The following SDHA variants were observed in gnomAD, a reference collection of about 807,000 sequenced individuals.
The protein encoded by SDHA is succinate dehydrogenase complex flavoprotein subunit A.
In SDHA, 48 loss-of-function variants were observed where a neutral mutation model predicts 78.4. That is an observed-to-expected ratio of 0.61 (90% confidence interval 0.49 to 0.78). The LOEUF (loss-of-function observed/expected upper bound fraction) is 0.78. SDHA is among the 30% of genes least tolerant of loss of function. The pLI is 0.00. For missense variants in SDHA, 680 were observed against 892.7 expected (o/e 0.76, Z 3.04); for synonymous variants, 326 against 353.9 (o/e 0.92, Z 0.88).
At chr5:266,335 G>C in the SDHA span, among the ~76,000 whole-genome samples, 4 of 152,206 alleles carry the variant, frequency 2.6e-5, no homozygotes, top group Non-Finnish European at 5.9e-5. Flanking sequence ...AAGCATGATA[G>C]GATGGCAACA....
intron 11 of SDHA, among the ~76,000 whole-genome samples, chr5:247,032 A>G (rs187114278): frequency 1.6e-3 from 244 of 152,344 alleles, no homozygotes; most frequent in East Asian, 4.2e-3. Flanking sequence ...TCTCCCTAAA[A>G]TAACTAAATT....
At chr5:252,299 T>G (rs1227074481) in intron 13 of SDHA, among the ~76,000 whole-genome samples, 1 of 125,298 alleles carries the variant, frequency 8.0e-6, no homozygotes, top group Non-Finnish European at 1.5e-5. Context: ...AAATAACGAG[T>G]AAGCCACCGT....
At chr5:266,770 T>C in the SDHA span, among the ~76,000 whole-genome samples, 109 of 92,668 alleles carry the variant, frequency 1.2e-3, 3 homozygotes, top group African/African-American at 5.4e-3. Flanking sequence ...GTGGCCGCTG[T>C]GTCTGAGATA....
chr5:253,360 C>G (rs1473252917), intron 13 of SDHA, among the ~76,000 whole-genome samples: 1 of 152,178 alleles, frequency 6.6e-6, no homozygotes, highest in African/African-American at 2.4e-5. Flanking sequence ...TTGCTCTTGT[C>G]TCCTTGTATG....
chr5:261,004 C>T (rs1373600034), downstream of SDHA, among the ~76,000 whole-genome samples: 1 of 13,470 alleles, frequency 7.4e-5, no homozygotes, highest in African/African-American at 5.0e-4. Context: ...CTCCGCCTCC[C>T]GTCAGAGCAT....
At chr5:230,753 G>T (rs1735344274) in intron 6 of SDHA, 123 bp from the exon 7 acceptor site, 4 of 1,305,988 alleles carry the variant, frequency 3.1e-6, no homozygotes, top group East Asian at 2.3e-5. Context: ...TGAGTAGGGG[G>T]TTGTGTGTGC....
At chr5:254,824 C>T (rs1737077093) in intron 14 of SDHA, among the ~76,000 whole-genome samples, 2 of 151,952 alleles carry the variant, frequency 1.3e-5, no homozygotes, top group East Asian at 1.9e-4. Flanking sequence ...GTGGACCTAG[C>T]GAGAAAGCAT....
chr5:233,019 C>T (rs1283391200), intron 7 of SDHA, among the ~76,000 whole-genome samples: 2 of 152,124 alleles, frequency 1.3e-5, no homozygotes, highest in African/African-American at 4.8e-5. Context: ...CTAGAACTGC[C>T]CATAGCAAGT....
At chr5:229,852 G>A (rs1414124609) in intron 6 of SDHA, among the ~76,000 whole-genome samples, 2 of 124,916 alleles carry the variant, frequency 1.6e-5, no homozygotes, top group South Asian at 2.1e-4. Flanking sequence ...GCTGGCTATC[G>A]TTAACATTAT....
intron 13 of SDHA, among the ~76,000 whole-genome samples, chr5:252,051 T>A (rs10072139): frequency 0.27 from 22,876 of 85,964 alleles, 3,933 homozygotes; most frequent in African/African-American, 0.55. Context: ...TGCCCTGTGG[T>A]GGAAATGCCA....
At chr5:218,518 C>G in intron 1 of SDHA, 100 bp downstream of exon 1, 1 of 916,002 alleles carries the variant, frequency 1.1e-6, no homozygotes, top group Admixed American at 4.3e-5. Context: ...GGCGCCGGGT[C>G]CCTGCGCCCT....
chr5:255,535 C>G (rs1487351270), intron 14 of SDHA, among the ~76,000 whole-genome samples: 2 of 152,056 alleles, frequency 1.3e-5, no homozygotes, highest in Non-Finnish European at 2.9e-5. Context: ...CGTCTCACTG[C>G]AGCCTCAACC....
At chr5:232,450 G>C (rs1237611178) in intron 7 of SDHA, among the ~76,000 whole-genome samples, 1 of 152,106 alleles carries the variant, frequency 6.6e-6, no homozygotes, top group East Asian at 1.9e-4. Context: ...CAAACTCCAG[G>C]GCTTAGGCCA....
At chr5:268,581 C>T in the SDHA span, among the ~76,000 whole-genome samples, 1 of 152,144 alleles carries the variant, frequency 6.6e-6, no homozygotes, top group Non-Finnish European at 1.5e-5. Context: ...GCTTGAATCT[C>T]CTCTTACTGC....
intron 11 of SDHA, chr5:249,923 G>C (rs1736709133): frequency 6.6e-6 from 1 of 152,234 alleles, no homozygotes; most frequent in East Asian, 1.9e-4. Context: ...CTGGATAAGA[G>C]ATTTGTATCT....
intron 5 of SDHA, among the ~76,000 whole-genome samples, chr5:226,873 G>C (rs1333640944): frequency 7.0e-6 from 1 of 143,132 alleles, no homozygotes; most frequent in Non-Finnish European, 1.5e-5. Context: ...AACTTGCAGT[G>C]AGCCGAGATC....
At chr5:254,059 T>A (rs530750406) in intron 13 of SDHA, among the ~76,000 whole-genome samples, 9 of 149,610 alleles carry the variant, frequency 6.0e-5, no homozygotes, top group East Asian at 1.9e-4. Context: ...AATTTTTTTT[T>A]AATAAAAACA....
rs2126558482 is a variant in SDHA, at chr5:228,237, T to C, written c.674T>C (p.Leu225Pro). ...YFVEYFALDL[L>P]MENGECRGVI... ...GTGGAGTATTTTGCCTTGGATCTCCTGATGGAGAATGGGGAGTGCCGTGGT... is the reference window on the plus strand; with the variant it reads ...GTGGAGTATTTTGCCTTGGATCTCCCGATGGAGAATGGGGAGTGCCGTGGT... The change falls in exon 6 of 15, where the codon CTG (leucine) becomes CCG (proline). Residue 225 changes from leucine (L) to proline (P), a missense_variant. Coordinates refer to ENST00000264932, the MANE Select transcript of SDHA (RefSeq NM_004168.4). 2 of 1,613,816 alleles carry C rather than the reference T, an allele frequency of 1.2e-6. No individual in the cohort carries two copies. The highest frequency in any genetic ancestry group is 2.2e-5 in the South Asian group (2 of 91,070).
At chr5:232,843 C>T (rs771500657) in intron 7 of SDHA, among the ~76,000 whole-genome samples, 2 of 152,156 alleles carry the variant, frequency 1.3e-5, no homozygotes. Flanking sequence ...GTCACAGAGC[C>T]GCTGTTTGGA....
Sources: allele counts gnomAD v4.1 joint callset (sites outside exome capture counted in the v4.1 genomes callset), GRCh38; gene constraint gnomAD v4.1.1; transcripts MANE v1.5; gene names NCBI Gene and HGNC (gene_info 2026-07-23, HGNC 2026-07-21).